Variants in COBL observed in about 807,000 individuals in gnomAD.
The protein encoded by COBL is cordon-bleu WH2 repeat protein, also known as protein cordon-bleu.
In COBL, 51 loss-of-function variants were observed where a neutral mutation model predicts 98.8. The ratio of observed to expected loss-of-function variants is 0.52; its 90% CI spans 0.41 to 0.65. The LOEUF (loss-of-function observed/expected upper bound fraction) is 0.65. Among genes scored for constraint, COBL ranks in the 30% least tolerant of loss-of-function variants. The probability of loss-of-function intolerance (pLI) is 0.00; values close to 1 mark genes in which losing one functional copy is unlikely to be tolerated. For missense variants in COBL, 1,617 were observed against 1,617.5 expected (o/e 1.00, Z 0.01); for synonymous variants, 634 against 651.7 (o/e 0.97, Z 0.41).
At chr7:51,130,412 T>C (rs1798633049) in intron 6 of COBL, among the ~76,000 whole-genome samples, 1 of 152,026 alleles carries the variant, frequency 6.6e-6, no homozygotes, top group African/African-American at 2.4e-5. Flanking sequence ...CCACAAGCCA[T>C]GTGATAAGAA....
At chr7:51,036,056 T>C (rs958318867) in intron 8 of COBL, 1 of 152,202 alleles carries the variant, frequency 6.6e-6, no homozygotes, top group Non-Finnish European at 1.5e-5. Flanking sequence ...TAAAATGGCA[T>C]AGTAGCTGGG....
chr7:51,136,832 T>C (rs1438516592), intron 5 of COBL, among the ~76,000 whole-genome samples: 2 of 152,178 alleles, frequency 1.3e-5, no homozygotes, highest in Non-Finnish European at 2.9e-5. Context: ...TTATGAAAAC[T>C]GACAATGTGG....
chr7:51,082,651 T>C (rs1793775521), intron 7 of COBL, among the ~76,000 whole-genome samples: 1 of 149,818 alleles, frequency 6.7e-6, no homozygotes, highest in Non-Finnish European at 1.5e-5. Flanking sequence ...AAGGACGTCC[T>C]CCCAGCTCTT....
intron 1 of COBL, among the ~76,000 whole-genome samples, chr7:51,283,849 A>G (rs1305282489): frequency 6.6e-6 from 1 of 152,146 alleles, no homozygotes; most frequent in Admixed American, 6.6e-5. Flanking sequence ...TCACTGGCCA[A>G]TTTTACTAAG....
intron 1 of COBL, among the ~76,000 whole-genome samples, chr7:51,276,857 T>G (rs1584382926): frequency 6.6e-6 from 1 of 151,560 alleles, no homozygotes; most frequent in South Asian, 2.1e-4. Flanking sequence ...AAGGGAAGAG[T>G]TCAGAGGTGG....
intron 1 of COBL, among the ~76,000 whole-genome samples, chr7:51,249,141 T>G (rs1008874524): frequency 2.0e-5 from 3 of 152,176 alleles, no homozygotes; most frequent in African/African-American, 7.2e-5. Context: ...AGAACTCCTG[T>G]GTATCAGATC....
At chr7:51,188,373 C>T (rs1482068387) in intron 4 of COBL, among the ~76,000 whole-genome samples, 4 of 152,214 alleles carry the variant, frequency 2.6e-5, no homozygotes, top group African/African-American at 9.6e-5. Flanking sequence ...GCAGGCCTGC[C>T]CAGGGCGGTT....
chr7:51,281,908 T>A (rs1337889991), intron 1 of COBL, among the ~76,000 whole-genome samples: 1 of 152,158 alleles, frequency 6.6e-6, no homozygotes, highest in African/African-American at 2.4e-5. Context: ...AAAATGTAGA[T>A]GTAACACATA....
At chr7:51,107,034 A>G (rs1796344392) in intron 6 of COBL, among the ~76,000 whole-genome samples, 1 of 151,846 alleles carries the variant, frequency 6.6e-6, no homozygotes, top group Non-Finnish European at 1.5e-5. Flanking sequence ...AAATCAAGCA[A>G]GCTTACATAT....
chr7:51,185,985 A>G (rs1789460035), intron 4 of COBL, among the ~76,000 whole-genome samples: 1 of 152,244 alleles, frequency 6.6e-6, no homozygotes, highest in Admixed American at 6.5e-5. Context: ...CAGTGGAGGC[A>G]CTGAGCAGGC....
chr7:51,137,781 C>G (rs1364644064), intron 5 of COBL, among the ~76,000 whole-genome samples: 1 of 152,122 alleles, frequency 6.6e-6, no homozygotes, highest in African/African-American at 2.4e-5. Context: ...GGTGGAGGGC[C>G]CTTCAGTCAA....
intron 6 of COBL, among the ~76,000 whole-genome samples, chr7:51,131,662 C>T (rs184209968): frequency 1.2e-4 from 18 of 151,514 alleles, no homozygotes; most frequent in African/African-American, 4.4e-4. Context: ...GGCACGATCT[C>T]GGCCCACTGC....
intron 2 of COBL, among the ~76,000 whole-genome samples, chr7:51,218,888 A>G (rs1372970460): frequency 6.6e-6 from 1 of 152,206 alleles, no homozygotes; most frequent in Non-Finnish European, 1.5e-5. Context: ...TAATCATTCT[A>G]TCATACTTCT....
intron 6 of COBL, among the ~76,000 whole-genome samples, chr7:51,097,615 A>G (rs921112362): frequency 1.3e-5 from 2 of 152,244 alleles, no homozygotes; most frequent in South Asian, 2.1e-4. Context: ...AGGATACAAA[A>G]TCAATTCCAA....
chr7:51,314,622 G>C (rs563586753), intron 1 of COBL, among the ~76,000 whole-genome samples: 1 of 152,078 alleles, frequency 6.6e-6, no homozygotes, highest in Non-Finnish European at 1.5e-5. Flanking sequence ...AAAAATATAA[G>C]GATATTAACA....
intron 6 of COBL, among the ~76,000 whole-genome samples, chr7:51,103,168 AAC>A (rs1428064553): frequency 1.3e-5 from 2 of 152,244 alleles, no homozygotes; most frequent in East Asian, 1.9e-4. Flanking sequence ...CCCATTCAAC[AAC>A]ACAGAGTATC....
chr7:51,309,750 A>G (rs1315502866), intron 1 of COBL, among the ~76,000 whole-genome samples: 2 of 152,232 alleles, frequency 1.3e-5, no homozygotes, highest in East Asian at 3.8e-4. Flanking sequence ...TGTTCTGTGC[A>G]TCACAGGCCA....
chr7:51,310,680 G>C (rs1802941713), intron 1 of COBL, among the ~76,000 whole-genome samples: 1 of 151,734 alleles, frequency 6.6e-6, no homozygotes, highest in South Asian at 2.1e-4. Flanking sequence ...TGGTTTTTTT[G>C]AGACAGAGTC....
At chr7:51,151,412 C>A (rs1320637104) in intron 5 of COBL, among the ~76,000 whole-genome samples, 1 of 152,148 alleles carries the variant, frequency 6.6e-6, no homozygotes, top group Non-Finnish European at 1.5e-5. Context: ...AAAAAATGCC[C>A]ACTGGAAGAA....
Sources: gnomAD v4.1 joint callset for allele counts (sites outside exome capture counted in the v4.1 genomes callset) on GRCh38, gnomAD v4.1.1 for gene constraint, MANE v1.5 for transcripts, NCBI Gene and HGNC (gene_info 2026-07-23, HGNC 2026-07-21) for gene names.